The following EMILIN3 variants were observed in gnomAD, a reference collection of about 807,000 sequenced individuals.
The protein encoded by EMILIN3 is elastin microfibril interfacer 3.
Under a neutral mutation model 42.8 loss-of-function variants are expected in EMILIN3, and 38 were observed. The ratio of observed to expected loss-of-function variants is 0.89; its 90% CI spans 0.69 to 1.16. The LOEUF is 1.16. Among genes scored for constraint, EMILIN3 ranks in the 50% most tolerant of loss-of-function variants. The pLI, the probability that EMILIN3 is intolerant of heterozygous loss-of-function variation, is 0.00. For synonymous variants in EMILIN3, 430 were observed against 440.5 expected (o/e 0.98, Z 0.30); for missense variants, 924 against 999.5 (o/e 0.92, Z 1.02).
chr20:41,362,629 T>C lies in EMILIN3; in HGVS notation c.940A>G (p.Ser314Gly). The stretch of plus-strand genomic sequence containing the variant: ...TTCTGCTCAAAGCCATCCAGCAGGC[T>C]CCCCCAGAGTCGGTGCAGCCGTCGG... ...VDRRLHRLWG[S>G]LLDGFEQKLQ... The change falls in exon 4 of 4, where the codon AGC becomes GGC. Residue 314 changes from serine to glycine, a missense_variant. Coordinates refer to ENST00000332312, the MANE Select transcript of EMILIN3 (RefSeq NM_052846.2). 1 of 1,605,902 alleles carries C rather than the reference T, an allele frequency of 6.2e-7. No individual in the cohort carries two copies.
intron 3 of EMILIN3, 77 bp downstream of exon 3, chr20:41,363,561 G>T: frequency 7.1e-7 from 1 of 1,413,572 alleles, no homozygotes; most frequent in Non-Finnish European, 9.5e-7. Context: ...GCCAGCCTGG[G>T]ATCAGTCCCC....
rs1413560881 is a variant in EMILIN3, at chr20:41,366,119, C to A, written c.167+349G>T. On this transcript the variant is annotated intron_variant, in intron 1 of 3. Transcript: ENST00000332312. The surrounding 1 kb of genome is among the most constrained non-coding windows in gnomAD (Gnocchi z 4.2). ...GGGCGGGGGAGCCCCGCGTGCTCAG[C>A]GCGCGGACCGCCTTTCCTCCTCTCC... Among the ~76,000 whole-genome samples, 1 of 152,262 alleles carries A rather than the reference C, an allele frequency of 6.6e-6. No individual in the cohort carries two copies. The highest frequency in any genetic ancestry group is 1.5e-5 in the Non-Finnish European group (1 of 67,990).
chr20:41,363,706 A>G lies in EMILIN3; in HGVS notation c.446T>C (p.Ile149Thr), dbSNP rs2046379666. Residue 149 changes from isoleucine to threonine, a missense_variant, in exon 3 of 4, where the codon ATT (isoleucine) becomes ACT (threonine). Ile to Thr is a moderately conservative substitution (Grantham distance 89). Coordinates refer to ENST00000332312, the MANE Select transcript of EMILIN3 (RefSeq NM_052846.2). Reference sequence around the variant, plus strand: ...GCCTGGGTCCAGCTGCCCTGAAGGAATCTGAGGCTCAGGCTCCAGCTGGGG... The same window carrying G: ...GCCTGGGTCCAGCTGCCCTGAAGGAGTCTGAGGCTCAGGCTCCAGCTGGGG... Reference protein sequence around the residue: ...ASPQLEPEPQIPSGQLDPGPR... With the variant: ...ASPQLEPEPQTPSGQLDPGPR... 1 of 1,613,856 alleles carries G rather than the reference A, an allele frequency of 6.2e-7. No homozygotes were observed. The highest frequency in any genetic ancestry group is 1.1e-5 in the South Asian group (1 of 91,088).
rs761382197 is a variant in EMILIN3 at position 41,362,795 on chromosome 20, C to T, written c.774G>A (p.Val258=). ...LDEILSKVTE[V]SNTLQTKVQL... ...GCACCTTGGTCTGAAGAGTGTTGCT[C>T]ACCTCTGTCACCTTGCTTAGGATCT... Residue 258 remains valine, a synonymous_variant, in exon 4 of 4, where the codon GTG becomes GTA. Transcript: ENST00000332312. 5.6e-6 allele frequency: 9 copies of T among 1,614,184 alleles called. No individual in the cohort carries two copies. Among genetic ancestry groups the T allele is most frequent in the Non-Finnish European group, 7.6e-6 (9 of 1,180,036 alleles).
intron 1 of EMILIN3, among the ~76,000 whole-genome samples, chr20:41,365,919 C>A (rs1402665347): frequency 6.6e-6 from 1 of 152,212 alleles, no homozygotes; most frequent in Admixed American, 6.5e-5. Flanking sequence ...CCGCTGTGGA[C>A]GGCTGTGCCA....
rs181943608 is a variant in EMILIN3 at position 41,363,528 on chromosome 20, C to T, written c.514+110G>A. The stretch of plus-strand genomic sequence containing the variant: ...TGAAAGTGGGGCTTGGGGCTTGCCC[C>T]TCCCCATCCATGCCGGAGCTCAGCC... On this transcript the variant is annotated intron_variant, in intron 3 of 3. Transcript: ENST00000332312. The T allele has an allele frequency of 6.6e-4, 726 of 1,107,848 alleles. 8 individuals carry two copies. In the African/African-American group the frequency reaches 9.8e-3, roughly 15 times the overall value. The allele number at this position is 1,107,848 out of a possible 1,614,324, so 68.6% of individuals were successfully genotyped here. A position where few individuals can be genotyped will look rare whatever the true frequency, so the allele number is the denominator to read the frequency against.
Position 41,361,311 on chromosome 20 carries a change from T to C in EMILIN3, c.2258A>G (p.Gln753Arg). ...ARLRDDLLDCQAQLAEQVRPG... is the reference protein window; with the variant it reads ...ARLRDDLLDCRAQLAEQVRPG... Reference sequence around the variant, plus strand: ...CCGCACCTGCTCAGCCAGCTGGGCCTGGCAGTCCAGTAGGTCATCCCGGAG... The same window carrying C: ...CCGCACCTGCTCAGCCAGCTGGGCCCGGCAGTCCAGTAGGTCATCCCGGAG... Residue 753 changes from glutamine to arginine, a missense_variant, in exon 4 of 4, where the codon CAG becomes CGG. Physicochemically the swap from Gln to Arg is conservative, Grantham distance 43. Coordinates refer to ENST00000332312, the MANE Select transcript of EMILIN3 (RefSeq NM_052846.2). The C allele has an allele frequency of 6.2e-7, 1 of 1,604,142 alleles. No homozygotes were observed. Among genetic ancestry groups the C allele is most frequent in the Non-Finnish European group, 8.5e-7 (1 of 1,172,686 alleles).
Position 41,366,414 on chromosome 20 carries a change from G to T in EMILIN3, c.167+54C>A. 1 of 1,087,882 alleles carries T rather than the reference G, an allele frequency of 9.2e-7. No individual in the cohort carries two copies. The highest frequency in any genetic ancestry group is 1.1e-6 in the Non-Finnish European group (1 of 894,956). The allele number at this position is 1,087,882 out of a possible 1,614,324, so 67.4% of individuals were successfully genotyped here. A position where few individuals can be genotyped will look rare whatever the true frequency, so the allele number is the denominator to read the frequency against. On this transcript the variant is annotated intron_variant, in intron 1 of 3. Coordinates refer to ENST00000332312, the MANE Select transcript of EMILIN3 (RefSeq NM_052846.2). The surrounding 1 kb of genome is among the most constrained non-coding windows in gnomAD (Gnocchi z 4.2). ...GCGGGTGCGGGCAGGTGGGAGCGGC[G>T]ACGCGCGCGGGCCCATCCCTCCCTC...
At position 41,363,073 on chromosome 20, in the gene EMILIN3, C is replaced by T. The variant is rs1288735704; in HGVS notation, c.515-19G>A. The T allele has an allele frequency of 2.6e-6, 4 of 1,523,638 alleles. No individual in the cohort carries two copies. Among genetic ancestry groups the T allele is most frequent in the South Asian group, 1.2e-5 (1 of 80,010 alleles). The allele number at this position is 1,523,638 out of a possible 1,614,324, so 94.4% of individuals were successfully genotyped here. A position where few individuals can be genotyped will look rare whatever the true frequency, so the allele number is the denominator to read the frequency against. On this transcript the variant is annotated intron_variant, in intron 3 of 3. Transcript: ENST00000332312. ...TTCCTTCCTGGGAAAGAGAAGAGAG[C>T]CCCAGGGGCATCACTGGCCTCACCC... is the stretch of plus-strand genomic sequence containing the variant.
intron 2 of EMILIN3, 93 bp downstream of exon 2, chr20:41,364,942 G>A: frequency 6.4e-7 from 1 of 1,564,850 alleles, no homozygotes; most frequent in Non-Finnish European, 8.7e-7. Flanking sequence ...AGTCCAAGAA[G>A]CCCCTTGTGG....
chr20:41,363,327 G>C (rs530626178), intron 3 of EMILIN3, among the ~76,000 whole-genome samples: 1 of 152,080 alleles, frequency 6.6e-6, no homozygotes, highest in Non-Finnish European at 1.5e-5. Context: ...ATCTTTAGTA[G>C]AGATGGGGTT....
In EMILIN3 at chr20:41,363,639, A is replaced by C. The variant is rs770459148; in HGVS notation, c.513T>G (p.His171Gln). 14 of 1,605,198 alleles carry C rather than the reference A, an allele frequency of 8.7e-6. No individual in the cohort carries two copies. In the East Asian group the frequency reaches 2.9e-4, roughly 33 times the overall value. ...GAGGGTCTCCTTGGGCAGACTCACCATGAGGGCTGGGGGCTGCTCTGCTGT... is the reference window on the plus strand; with the variant it reads ...GAGGGTCTCCTTGGGCAGACTCACCCTGAGGGCTGGGGGCTGCTCTGCTGT... ...PSYSRAAPSP[H>Q]GRKGPGLFGE... Residue 171 changes from histidine (H) to glutamine (Q), a missense_variant and splice_region_variant, in exon 3 of 4, where the codon CAT becomes CAG. Physicochemically the swap from His to Gln is conservative, Grantham distance 24 (BLOSUM62 0). Coordinates refer to ENST00000332312, the MANE Select transcript of EMILIN3 (RefSeq NM_052846.2).
Position 41,366,211 on chromosome 20 carries a change from G to T in EMILIN3, c.167+257C>A, listed in dbSNP as rs769086635. 1.3e-5 allele frequency among the ~76,000 whole-genome samples: 2 copies of T among 152,190 alleles called. No homozygotes were observed. The highest frequency in any genetic ancestry group is 4.8e-5 in the African/African-American group (2 of 41,458). On this transcript the variant is annotated intron_variant, in intron 1 of 3. Transcript: ENST00000332312. The surrounding 1 kb of genome is among the most constrained non-coding windows in gnomAD (Gnocchi z 4.2). ...CTGGAAAATGTTACTTCGCTGGAAA[G>T]GTTTCCGCTGGCACTGCCAGGATCC... is the stretch of plus-strand genomic sequence containing the variant.
rs780341244 is a variant in EMILIN3, at chr20:41,361,339, G to A, written c.2230C>T (p.Arg744Cys). 12 of 1,611,122 alleles carry A rather than the reference G, an allele frequency of 7.4e-6. No individual in the cohort carries two copies. The highest frequency in any genetic ancestry group is 3.3e-5 in the South Asian group (3 of 90,960). Residue 744 changes from arginine to cysteine, a missense_variant, in exon 4 of 4, where the codon CGC becomes TGC. Arg to Cys is a radical substitution (Grantham distance 180). Coordinates refer to ENST00000332312, the MANE Select transcript of EMILIN3 (RefSeq NM_052846.2). ...TLAQHTQDIA[R>C]LRDDLLDCQA... ...CAGTCCAGTAGGTCATCCCGGAGGC[G>A]GGCAATGTCCTGCGTGTGCTGGGCC...
chr20:41,365,619 T>C (rs1161431531), intron 1 of EMILIN3, among the ~76,000 whole-genome samples: 1 of 152,204 alleles, frequency 6.6e-6, no homozygotes, highest in Non-Finnish European at 1.5e-5. Context: ...TTGCAGCCCC[T>C]GCCTTTGGTC....
chr20:41,362,141 G>T lies in EMILIN3; in HGVS notation c.1428C>A (p.Ser476Arg). 2 of 1,608,666 alleles carry T rather than the reference G, an allele frequency of 1.2e-6. No individual in the cohort carries two copies. Among genetic ancestry groups the T allele is most frequent in the Non-Finnish European group, 1.7e-6 (2 of 1,176,384 alleles). Reference sequence around the variant, plus strand: ...CCAATGTTGCTAGGCGCTCCTCGAGGCTCTGCACGCGCTCTTCCAGCATGG... The same window carrying T: ...CCAATGTTGCTAGGCGCTCCTCGAGTCTCTGCACGCGCTCTTCCAGCATGG... ...FGTMLEERVQSLEERLATLAG... is the reference protein window; with the variant it reads ...FGTMLEERVQRLEERLATLAG... The change falls in exon 4 of 4, where the codon AGC becomes AGA. Residue 476 changes from serine (S) to arginine (R), a missense_variant. Coordinates refer to ENST00000332312, the MANE Select transcript of EMILIN3 (RefSeq NM_052846.2).
At position 41,365,028 on chromosome 20, in the gene EMILIN3, C is replaced by T. The variant is rs1044638378; in HGVS notation, c.290+7G>A. ...ATTCCAAGTGTGTAGGTGAGGAGTG[C>T]ACTTACGTGACTGTCCCGGGGCACT... On this transcript the variant is annotated splice_region_variant and intron_variant, in intron 2 of 3. Transcript: ENST00000332312. The T allele has an allele frequency of 6.2e-7, 1 of 1,613,390 alleles. No individual in the cohort carries two copies. Among genetic ancestry groups the T allele is most frequent in the Non-Finnish European group, 8.5e-7 (1 of 1,179,700 alleles).
chr20:41,362,497 G>A lies in EMILIN3; in HGVS notation c.1072C>T (p.Arg358Trp), dbSNP rs368150653. The change falls in exon 4 of 4, where the codon CGG (arginine) becomes TGG (tryptophan). Residue 358 changes from arginine to tryptophan, a missense_variant. Arg to Trp is a moderately radical substitution (Grantham distance 101, BLOSUM62 -3). Coordinates refer to ENST00000332312, the MANE Select transcript of EMILIN3 (RefSeq NM_052846.2). ...SRRLHQSLDG[R>W]ELALRQELSQ... ...AGCTCCTGGCGCAGGGCCAGCTCCC[G>A]GCCATCAAGGCTCTGGTGCAGCCTC... is the stretch of plus-strand genomic sequence containing the variant. 1.5e-4 allele frequency: 233 copies of A among 1,599,346 alleles called. 2 individuals are homozygous for A. In the African/African-American group the frequency reaches 2.5e-3, roughly 17 times the overall value.
In EMILIN3 at chr20:41,361,620, T is replaced by G; in HGVS notation, c.1949A>C (p.Gln650Pro). ...QGSRLQAGHR[Q>P]VLNLRGELEQ... ...CAGCTCCCCACGCAGGTTCAGGACC[T>G]GCCTGTGGCCAGCCTGAAGCCTGGA... is the stretch of plus-strand genomic sequence containing the variant. The change falls in exon 4 of 4, where the codon CAG (glutamine) becomes CCG (proline). Residue 650 changes from glutamine (Q) to proline (P), a missense_variant. Physicochemically the swap from Gln to Pro is moderately conservative, Grantham distance 76. Coordinates refer to ENST00000332312, the MANE Select transcript of EMILIN3 (RefSeq NM_052846.2). The G allele has an allele frequency of 1.2e-6, 2 of 1,609,746 alleles. No individual in the cohort carries two copies. Among genetic ancestry groups the G allele is most frequent in the Non-Finnish European group, 1.7e-6 (2 of 1,179,036 alleles).
Sources: allele counts gnomAD v4.1 joint callset (sites outside exome capture counted in the v4.1 genomes callset), GRCh38; gene constraint gnomAD v4.1.1; non-coding constraint Gnocchi (gnomAD v3.1); transcripts MANE v1.5; gene names NCBI Gene and HGNC (gene_info 2026-07-23, HGNC 2026-07-21).